USP53: variants seen among roughly 807,000 people sequenced by gnomAD.
USP53 encodes the protein ubiquitin carboxyl-terminal hydrolase 53.
USP53 carries 71 observed loss-of-function variants against 94.9 expected under a neutral mutation model. The ratio of observed to expected loss-of-function variants is 0.75; its 90% CI spans 0.62 to 0.91. USP53 has a LOEUF of 0.91. USP53 is among the 40% of genes least tolerant of loss of function. The pLI is 0.00. For synonymous variants in USP53, 375 were observed against 422.7 expected (o/e 0.89, Z 1.39); for missense variants, 1,173 against 1,281.0 (o/e 0.92, Z 1.29).
intron 7 of USP53, among the ~76,000 whole-genome samples, chr4:119,255,713 G>A (rs1749676852): frequency 6.6e-6 from 1 of 152,196 alleles, no homozygotes; most frequent in Non-Finnish European, 1.5e-5. Flanking sequence ...CCTGGGTGAG[G>A]TGATGTCCTG....
chr4:119,286,211 G>C (rs1754092211), intron 17 of USP53, among the ~76,000 whole-genome samples: 1 of 150,830 alleles, frequency 6.6e-6, no homozygotes, highest in African/African-American at 2.4e-5. Flanking sequence ...GCTGTTTAAT[G>C]TTTAGGGTTT....
intron 7 of USP53, among the ~76,000 whole-genome samples, chr4:119,249,574 C>T (rs1410548879): frequency 2.6e-5 from 4 of 151,678 alleles, no homozygotes; most frequent in Non-Finnish European, 5.9e-5. Flanking sequence ...TTTTTCTTTC[C>T]GTATTAATTC....
At position 119,294,240 on chromosome 4, in the gene USP53, C is replaced by T. The variant is rs1057488853; in HGVS notation, c.*1029C>T. On this transcript the variant is annotated 3_prime_UTR_variant, in exon 19 of 19. Coordinates refer to ENST00000692078, the MANE Select transcript of USP53 (RefSeq NM_001371395.1). ...TATTACCTGCTTATAGGTTGTCAAC[C>T]CATTTTATCTGAATTTGAAAATCTA... is the stretch of plus-strand genomic sequence containing the variant. The T allele has an allele frequency of 4.0e-5, 6 of 151,842 alleles. No individual in the cohort carries two copies. The highest frequency in any genetic ancestry group is 8.8e-5 in the Non-Finnish European group (6 of 67,904). The allele number at this position is 151,842 out of a possible 1,614,324, so 9.4% of individuals were successfully genotyped here.
chr4:119,256,611 A>G, intron 9 of USP53, 88 bp downstream of exon 9: 1 of 1,337,602 alleles, frequency 7.5e-7, no homozygotes. Context: ...CATAGCATAC[A>G]TGAATTTCCC....
At chr4:119,229,191 A>G (rs999631610) in intron 3 of USP53, among the ~76,000 whole-genome samples, 2 of 152,210 alleles carry the variant, frequency 1.3e-5, no homozygotes, top group East Asian at 1.9e-4. Context: ...CCATCTATAT[A>G]TGGTGCTATT....
chr4:119,291,143 T>TGGC, intron 17 of USP53, 22 bp from the exon 18 acceptor site: 8 of 747,544 alleles, frequency 1.1e-5, no homozygotes, highest in Non-Finnish European at 1.3e-5. Flanking sequence ...TCATCTCTTC[T>TGGC]CCCCACCCCA....
At chr4:119,213,817 C>G (rs1458566946) in intron 1 of USP53, among the ~76,000 whole-genome samples, 1 of 151,444 alleles carries the variant, frequency 6.6e-6, no homozygotes, top group Non-Finnish European at 1.5e-5. Flanking sequence ...TTGCAGTGAG[C>G]CGAGATCGCG....
At chr4:119,233,497 C>T (rs1355057573) in intron 3 of USP53, among the ~76,000 whole-genome samples, 1 of 151,814 alleles carries the variant, frequency 6.6e-6, no homozygotes, top group Non-Finnish European at 1.5e-5. Flanking sequence ...ATATTTTAAC[C>T]ATGTCTCATA....
At chr4:119,244,663 A>G (rs1747984257) in intron 5 of USP53, among the ~76,000 whole-genome samples, 1 of 152,144 alleles carries the variant, frequency 6.6e-6, no homozygotes, top group South Asian at 2.1e-4. Context: ...GATTTTAAGT[A>G]TTGGACTGAT....
rs1325506869 is a variant in USP53 at position 119,278,179 on chromosome 4, C to T, written c.2251+4471C>T. The stretch of plus-strand genomic sequence containing the variant: ...TGGTGATTTTGCTCGTTAGTTGATG[C>T]AGTTTCTTCCTAGTCTCGATGGTCT... On this transcript the variant is annotated intron_variant, in intron 17 of 18. Coordinates refer to ENST00000692078, the MANE Select transcript of USP53 (RefSeq NM_001371395.1). Among the ~76,000 whole-genome samples the T allele has an allele frequency of 8.3e-3, 1,215 of 146,960 alleles. 12 individuals are homozygous for T. The highest frequency in any genetic ancestry group is 0.029 in the African/African-American group (1,143 of 40,018).
At chr4:119,223,336 A>G (rs181934138) in intron 3 of USP53, among the ~76,000 whole-genome samples, 14 of 152,338 alleles carry the variant, frequency 9.2e-5, no homozygotes, top group Admixed American at 7.2e-4. Context: ...GAACTGGGAA[A>G]GAACTACAGA....
chr4:119,273,778 T>C, intron 17 of USP53, 70 bp downstream of exon 17: 1 of 1,299,962 alleles, frequency 7.7e-7, no homozygotes, highest in Non-Finnish European at 1.1e-6. Flanking sequence ...TTTGCTATTA[T>C]GTATCTGAGA....
In USP53 at chr4:119,293,249, T is replaced by G. The variant is rs777005536; in HGVS notation, c.*38T>G. ...CTAGACCTGTGTTACATAATAATCTTGGTTCAAGCTGCCCTTCTGAACAAA... is the reference window on the plus strand; with the variant it reads ...CTAGACCTGTGTTACATAATAATCTGGGTTCAAGCTGCCCTTCTGAACAAA... On this transcript the variant is annotated 3_prime_UTR_variant, in exon 19 of 19. Transcript: ENST00000692078. 6.5e-7 allele frequency: 1 copy of G among 1,527,922 alleles called. No homozygotes were observed. The highest frequency in any genetic ancestry group is 2.2e-5 in the East Asian group (1 of 44,454). The allele number at this position is 1,527,922 out of a possible 1,614,324, so 94.6% of individuals were successfully genotyped here. A position where few individuals can be genotyped will look rare whatever the true frequency, so the allele number is the denominator to read the frequency against.
At chr4:119,258,932 A>C (rs968986223) in intron 9 of USP53, among the ~76,000 whole-genome samples, 8 of 152,210 alleles carry the variant, frequency 5.3e-5, no homozygotes, top group Non-Finnish European at 1.2e-4. Flanking sequence ...TTGAATAAAA[A>C]GTATCACAGT....
At chr4:119,228,036 A>G (rs1409919889) in intron 3 of USP53, among the ~76,000 whole-genome samples, 1 of 152,184 alleles carries the variant, frequency 6.6e-6, no homozygotes, top group African/African-American at 2.4e-5. Flanking sequence ...TTAATTTTCT[A>G]TTACTATGTA....
upstream of USP53, chr4:119,212,701 C>A (rs1039849165): frequency 2.9e-6 from 1 of 341,434 alleles, no homozygotes; most frequent in Non-Finnish European, 5.9e-6. Context: ...GGAGACCAGC[C>A]GCCTGTGCTC....
chr4:119,288,881 T>A (rs952135267), intron 17 of USP53, among the ~76,000 whole-genome samples: 7 of 142,258 alleles, frequency 4.9e-5, no homozygotes, highest in African/African-American at 1.9e-4. Context: ...GAGGTTGCAG[T>A]GAGCCGAGAT....
rs1438502975 is a variant in USP53 at position 119,276,333 on chromosome 4, T to C, written c.2251+2625T>C. On this transcript the variant is annotated intron_variant, in intron 17 of 18. Transcript: ENST00000692078. ...AGCATTGTTGAATTTTGTCAAAGGC[T>C]TTTTCTGCATCTATTGAGATAATCA... 1.6e-3 allele frequency among the ~76,000 whole-genome samples: 246 copies of C among 150,364 alleles called. 1 individual carries two copies. Among genetic ancestry groups the C allele is most frequent in the African/African-American group, 5.5e-3 (226 of 41,180 alleles).
At chr4:119,219,608 A>G (rs1744239973) in intron 3 of USP53, 2 of 152,264 alleles carry the variant, frequency 1.3e-5, no homozygotes, top group South Asian at 2.1e-4. Flanking sequence ...AGATGCCATT[A>G]TCATTTACCC....
Sources: allele counts gnomAD v4.1 joint callset (sites outside exome capture counted in the v4.1 genomes callset), GRCh38; gene constraint gnomAD v4.1.1; transcripts MANE v1.5; gene names NCBI Gene and HGNC (gene_info 2026-07-23, HGNC 2026-07-21).